NEK5: variants seen among roughly 807,000 people sequenced by gnomAD.
NEK5 encodes the protein NIMA related kinase 5, also known as serine/threonine-protein kinase Nek5.
Under a neutral mutation model 109.2 loss-of-function variants are expected in NEK5, and 88 were observed. The observed-to-expected ratio is 0.81, with a 90% confidence interval of 0.68 to 0.96. The LOEUF is 0.96. Among genes scored for constraint, NEK5 ranks in the 40% least tolerant of loss-of-function variants. The pLI, the probability that NEK5 is intolerant of heterozygous loss-of-function variation, is 0.00. For synonymous variants in NEK5, 283 were observed against 299.9 expected (o/e 0.94, Z 0.58); for missense variants, 834 against 920.7 (o/e 0.91, Z 1.22).
chr13:52,071,933 G>C lies in NEK5; in HGVS notation c.1849+11C>G, dbSNP rs1213488834. The C allele has an allele frequency of 6.2e-7, 1 of 1,612,658 alleles. No individual in the cohort carries two copies. Among genetic ancestry groups the C allele is most frequent in the Admixed American group, 1.7e-5 (1 of 59,756 alleles). On this transcript the variant is annotated intron_variant, in intron 20 of 23. Transcript: ENST00000684899. ...GTTCCTTCTCATTTACAACTTTCAA[G>C]AAACACATACCTGCTTCTGGGCAGT...
chr13:52,123,460 C>G (rs1261910114), intron 3 of NEK5, among the ~76,000 whole-genome samples: 1 of 152,154 alleles, frequency 6.6e-6, no homozygotes, highest in Non-Finnish European at 1.5e-5. Flanking sequence ...AGATTCACCT[C>G]TCAAATATTT....
At chr13:52,078,498 G>A (rs1314967278) in intron 17 of NEK5, among the ~76,000 whole-genome samples, 2 of 152,168 alleles carry the variant, frequency 1.3e-5, no homozygotes, top group East Asian at 1.9e-4. Flanking sequence ...ATTGATTGTG[G>A]TGATGGGTTT....
At chr13:52,038,170 CA>C (rs1555307070) in intron 23 of NEK5, among the ~76,000 whole-genome samples, 1 of 151,792 alleles carries the variant, frequency 6.6e-6, no homozygotes, top group Admixed American at 6.6e-5. Flanking sequence ...ACTAAAAATA[CA>C]AAAAATTAGG....
At chr13:52,080,632 C>A (rs1954987592) in intron 17 of NEK5, among the ~76,000 whole-genome samples, 2 of 152,130 alleles carry the variant, frequency 1.3e-5, no homozygotes, top group Admixed American at 1.3e-4. Context: ...TGTGTCCACT[C>A]AGGGTTAAAT....
Position 52,108,380 on chromosome 13 carries a change from A to G in NEK5, c.492T>C (p.Cys164=). 1 of 1,609,548 alleles carries G rather than the reference A, an allele frequency of 6.2e-7. No homozygotes were observed. The highest frequency in any genetic ancestry group is 8.5e-7 in the Non-Finnish European group (1 of 1,176,422). The stretch of plus-strand genomic sequence containing the variant: ...GGGACAGGTAGTAAGGTGTTCCAAT[A>G]CAAGTTCGAGCAAGTTCCATGGAAC... ...LNNSMELART[C]IGTPYYLSPE... The change falls in exon 8 of 24, where the codon TGT becomes TGC. Residue 164 remains cysteine, a synonymous_variant. Transcript: ENST00000684899.
In NEK5 at chr13:52,037,126, T is replaced by C; in HGVS notation, c.2321A>G (p.Glu774Gly). Residue 774 changes from glutamate (E) to glycine (G), a missense_variant, in exon 24 of 24, where the codon GAG becomes GGG. Around this residue, in one of 2 missense-constraint regions of NEK5, gnomAD observed 57 missense variants for 96.0 expected, o/e 0.59. Transcript: ENST00000684899. ...AGAGTCCTTAGAGGTACTGGAGGCC[T>C]CTTCTGTTTTTTCTTCCCCTTTGAA... ...ATFKGEEKTE[E>G]ASSTSKDSRK... is the part of the protein sequence containing the mutation. The C allele has an allele frequency of 1.0e-6, 1 of 985,380 alleles. No homozygotes were observed. Among genetic ancestry groups the C allele is most frequent in the Non-Finnish European group, 1.2e-6 (1 of 829,882 alleles). 61.0% of individuals were successfully genotyped at this position (985,380 alleles called of 1,614,324 possible).
chr13:52,106,926 C>G (rs897531072), intron 8 of NEK5, among the ~76,000 whole-genome samples: 5 of 152,052 alleles, frequency 3.3e-5, no homozygotes, highest in Admixed American at 6.6e-5. Context: ...CTGACTTGGT[C>G]AAGTTAGCAA....
intron 17 of NEK5, among the ~76,000 whole-genome samples, chr13:52,078,545 A>G (rs1236057949): frequency 6.6e-6 from 1 of 152,036 alleles, no homozygotes; most frequent in South Asian, 2.1e-4. Flanking sequence ...AAGTATATAC[A>G]TTAAATATGT....
At chr13:52,100,001 A>G in intron 11 of NEK5, 125 bp from the exon 12 acceptor site, 1 of 708,340 alleles carries the variant, frequency 1.4e-6, no homozygotes, top group South Asian at 2.4e-5. Context: ...TTAGCCAGAG[A>G]TATTTTACAC....
intron 16 of NEK5, among the ~76,000 whole-genome samples, chr13:52,085,113 G>T (rs927671221): frequency 6.6e-6 from 1 of 152,076 alleles, no homozygotes; most frequent in African/African-American, 2.4e-5. Flanking sequence ...GTCAAGGGTG[G>T]GGCCAGGTGG....
chr13:52,124,777 G>A (rs970865173), intron 3 of NEK5, among the ~76,000 whole-genome samples: 6 of 152,056 alleles, frequency 3.9e-5, no homozygotes, highest in South Asian at 2.1e-4. Flanking sequence ...ACATACAAAC[G>A]TTTTCTATTT....
chr13:52,038,235 T>TGG (rs2140874326), intron 23 of NEK5, among the ~76,000 whole-genome samples: 1 of 151,522 alleles, frequency 6.6e-6, no homozygotes, highest in East Asian at 2.0e-4. Flanking sequence ...GACAGGAGAA[T>TGG]CACTTGAATG....
At chr13:52,118,862 C>A (rs555521246) in intron 4 of NEK5, among the ~76,000 whole-genome samples, 1 of 152,072 alleles carries the variant, frequency 6.6e-6, no homozygotes. Context: ...GCTTTGAGAG[C>A]GATAGTGTGG....
chr13:52,041,506 T>C (rs965015300), intron 23 of NEK5, among the ~76,000 whole-genome samples: 3 of 151,936 alleles, frequency 2.0e-5, no homozygotes, highest in African/African-American at 7.2e-5. Flanking sequence ...GGCAGGTGAA[T>C]TGCCTGAGGT....
rs1010483457 is a variant in NEK5 at position 52,126,872 on chromosome 13, G to A, written c.117+494C>T. ...TGATTGTGGCTGGGGGTCTACTCTA[G>A]CTAGGATGTTTGCAGAAAACCCCTC... is the stretch of plus-strand genomic sequence containing the variant. On this transcript the variant is annotated intron_variant, in intron 3 of 23. Transcript: ENST00000684899. Among the ~76,000 whole-genome samples, 4 of 152,290 alleles carry A rather than the reference G, an allele frequency of 2.6e-5. No individual in the cohort carries two copies. In the South Asian group the frequency reaches 8.3e-4, roughly 32 times the overall value.
chr13:52,057,175 C>T (rs1046008260), intron 22 of NEK5, among the ~76,000 whole-genome samples: 82 of 152,138 alleles, frequency 5.4e-4, no homozygotes, highest in Admixed American at 9.8e-4. Flanking sequence ...AACATCTCTA[C>T]GCAAATAAAC....
At chr13:52,091,139 G>A (rs1464354291) in intron 13 of NEK5, among the ~76,000 whole-genome samples, 1 of 152,182 alleles carries the variant, frequency 6.6e-6, no homozygotes, top group Non-Finnish European at 1.5e-5. Context: ...GGCATCAAAG[G>A]GGCATCCAGG....
chr13:52,056,560 C>A (rs879494215), intron 22 of NEK5, among the ~76,000 whole-genome samples: 2,223 of 146,200 alleles, frequency 0.015, 70 homozygotes, highest in Admixed American at 0.08. Context: ...AAGCTCTCCT[C>A]AGCAAATGTA....
chr13:52,049,016 G>A (rs891802893), intron 23 of NEK5, among the ~76,000 whole-genome samples: 10 of 152,102 alleles, frequency 6.6e-5, no homozygotes, highest in African/African-American at 1.9e-4. Context: ...AGCATGTGAC[G>A]TAATACATAT....
Sources: gnomAD v4.1 joint callset for allele counts (sites outside exome capture counted in the v4.1 genomes callset) on GRCh38, gnomAD v4.1.1 for gene constraint, gnomAD v4.1.1 regional missense constraint, MANE v1.5 for transcripts, NCBI Gene and HGNC (gene_info 2026-07-23, HGNC 2026-07-21) for gene names.